ARHGAP15: variants seen among roughly 807,000 people sequenced by gnomAD.
ARHGAP15 encodes Rho GTPase activating protein 15, also known as rho GTPase-activating protein 15.
A neutral mutation model predicts 63.7 loss-of-function variants in ARHGAP15; 51 were observed. The ratio of observed to expected loss-of-function variants is 0.80; its 90% CI spans 0.64 to 1.01. ARHGAP15 has a LOEUF of 1.01. Among genes scored for constraint, ARHGAP15 ranks in the 50% least tolerant of loss-of-function variants. The pLI, the probability that ARHGAP15 is intolerant of heterozygous loss-of-function variation, is 0.00. For synonymous variants in ARHGAP15, 191 were observed against 193.8 expected, an observed-to-expected ratio of 0.99 and a Z score of 0.12; for missense variants, 560 against 564.6, an observed-to-expected ratio of 0.99 and a Z score of 0.08.
intron 6 of ARHGAP15, among the ~76,000 whole-genome samples, chr2:143,327,811 A>G (rs189906960): frequency 6.6e-6 from 1 of 152,316 alleles, no homozygotes; most frequent in African/African-American, 2.4e-5. Flanking sequence ...CAGAGTGAAG[A>G]GGCAAACTAC....
At chr2:143,354,159 C>T (rs1685704765) in intron 6 of ARHGAP15, among the ~76,000 whole-genome samples, 1 of 152,132 alleles carries the variant, frequency 6.6e-6, no homozygotes, top group South Asian at 2.1e-4. Context: ...CAAGTCTCTT[C>T]ACACTTTCAG....
In ARHGAP15 at chr2:143,703,464, T is replaced by C. The variant is rs552521424; in HGVS notation, c.1184T>C (p.Val395Ala). The C allele has an allele frequency of 2.5e-6, 4 of 1,612,678 alleles. No homozygotes were observed. The highest frequency in any genetic ancestry group is 3.3e-5 in the Admixed American group (2 of 59,850). ...NTRIEAVKSL[V>A]QKLPPPNRDT... ...AGAATTGAAGCTGTAAAATCTCTTG[T>C]ACAAAAACTCCCTCCGCCAAATCGT... The change falls in exon 13 of 14, where the codon GTA becomes GCA. Residue 395 changes from valine to alanine, a missense_variant. By Grantham distance (64) the Val-to-Ala change is moderately conservative (BLOSUM62 0). Transcript: ENST00000295095.
intron 11 of ARHGAP15, among the ~76,000 whole-genome samples, chr2:143,595,243 G>T (rs1160790776): frequency 6.6e-6 from 1 of 152,144 alleles, no homozygotes; most frequent in East Asian, 1.9e-4. Context: ...CAAATCAGTT[G>T]CTGTCAGAGC....
intron 6 of ARHGAP15, among the ~76,000 whole-genome samples, chr2:143,346,019 A>C (rs529631633): frequency 6.6e-6 from 1 of 151,992 alleles, no homozygotes; most frequent in African/African-American, 2.4e-5. Flanking sequence ...TTGAGTCATG[A>C]TTGTACAATC....
intron 11 of ARHGAP15, among the ~76,000 whole-genome samples, chr2:143,573,053 T>C (rs146169306): frequency 1.0e-3 from 157 of 152,308 alleles, no homozygotes; most frequent in African/African-American, 3.6e-3. Context: ...CAGGTACTTT[T>C]CATTTTACTG....
At chr2:143,215,438 A>T (rs770339557) in intron 3 of ARHGAP15, among the ~76,000 whole-genome samples, 9 of 152,110 alleles carry the variant, frequency 5.9e-5, no homozygotes, top group Non-Finnish European at 1.2e-4. Flanking sequence ...GATTAAATAT[A>T]CTTAAGACTT....
chr2:143,689,674 A>G (rs916115808), intron 12 of ARHGAP15, among the ~76,000 whole-genome samples: 1 of 152,096 alleles, frequency 6.6e-6, no homozygotes, highest in African/African-American at 2.4e-5. Flanking sequence ...CTGACATCGA[A>G]TTTTCTCCCA....
chr2:143,731,326 A>AT (rs1184958344), intron 13 of ARHGAP15, among the ~76,000 whole-genome samples: 1 of 152,172 alleles, frequency 6.6e-6, no homozygotes, highest in African/African-American at 2.4e-5. Flanking sequence ...AATGGGGGTA[A>AT]TTCCATCACA....
chr2:143,260,830 A>G (rs1392454719), intron 6 of ARHGAP15, among the ~76,000 whole-genome samples: 1 of 152,158 alleles, frequency 6.6e-6, no homozygotes, highest in African/African-American at 2.4e-5. Flanking sequence ...TTCTCTAGGA[A>G]GATGGCTCGA....
At chr2:143,570,730 A>G (rs1363403682) in intron 11 of ARHGAP15, among the ~76,000 whole-genome samples, 4 of 152,246 alleles carry the variant, frequency 2.6e-5, no homozygotes, top group Non-Finnish European at 2.9e-5. Flanking sequence ...TTTTCAAAAT[A>G]CCTTCCCAAT....
At chr2:143,579,601 A>C (rs1028982149) in intron 11 of ARHGAP15, among the ~76,000 whole-genome samples, 2 of 152,126 alleles carry the variant, frequency 1.3e-5, no homozygotes, top group South Asian at 2.1e-4. Flanking sequence ...GTCCAAAAAG[A>C]ATAAAGGGAG....
intron 6 of ARHGAP15, among the ~76,000 whole-genome samples, chr2:143,409,625 G>A (rs1203550378): frequency 6.6e-6 from 1 of 152,072 alleles, no homozygotes; most frequent in Non-Finnish European, 1.5e-5. Flanking sequence ...ATCAATGACA[G>A]CTCATATATG....
intron 12 of ARHGAP15, among the ~76,000 whole-genome samples, chr2:143,675,656 G>A (rs1156642845): frequency 6.6e-6 from 1 of 152,196 alleles, no homozygotes. Context: ...TCTCTGAGCA[G>A]TAGGACTCAA....
intron 11 of ARHGAP15, among the ~76,000 whole-genome samples, chr2:143,620,845 G>A (rs551667642): frequency 1.2e-4 from 19 of 152,254 alleles, no homozygotes; most frequent in South Asian, 8.3e-4. Context: ...TATCGCTTTC[G>A]TTGCAAAGTA....
At chr2:143,381,650 T>G (rs914842963) in intron 6 of ARHGAP15, among the ~76,000 whole-genome samples, 2 of 152,148 alleles carry the variant, frequency 1.3e-5, no homozygotes, top group African/African-American at 2.4e-5. Flanking sequence ...AGTTCCTGGG[T>G]GTTTACACAG....
intron 6 of ARHGAP15, among the ~76,000 whole-genome samples, chr2:143,372,620 C>CT (rs1018432504): frequency 6.6e-6 from 1 of 152,036 alleles, no homozygotes; most frequent in Admixed American, 6.5e-5. Context: ...AAGATTCTTT[C>CT]TTTACCACTT....
At chr2:143,484,187 A>T (rs1692203449) in intron 8 of ARHGAP15, among the ~76,000 whole-genome samples, 1 of 151,972 alleles carries the variant, frequency 6.6e-6, no homozygotes, top group Non-Finnish European at 1.5e-5. Flanking sequence ...CCAACATAGT[A>T]AAACCCCATC....
At chr2:143,292,976 G>A (rs547770269) in intron 6 of ARHGAP15, among the ~76,000 whole-genome samples, 17 of 152,018 alleles carry the variant, frequency 1.1e-4, no homozygotes, top group South Asian at 2.1e-4. Flanking sequence ...AGTTTTCTTC[G>A]AACTTTTCCT....
chr2:143,164,801 A>G (rs1334124393), intron 2 of ARHGAP15, among the ~76,000 whole-genome samples: 1 of 151,804 alleles, frequency 6.6e-6, no homozygotes, highest in Non-Finnish European at 1.5e-5. Flanking sequence ...TAAGCACTAT[A>G]GTCACTGTTA....
Sources: gnomAD v4.1 joint callset for allele counts (sites outside exome capture counted in the v4.1 genomes callset) on GRCh38, gnomAD v4.1.1 for gene constraint, MANE v1.5 for transcripts, NCBI Gene and HGNC (gene_info 2026-07-23, HGNC 2026-07-21) for gene names.